ALK: variants seen among roughly 807,000 people sequenced by gnomAD.
The protein encoded by ALK is ALK tyrosine kinase receptor.
ALK carries 74 observed loss-of-function variants against 163.1 expected under a neutral mutation model. The ratio of observed to expected loss-of-function variants is 0.45; its 90% CI spans 0.38 to 0.55. ALK has a LOEUF of 0.55. Among genes scored for constraint, ALK ranks in the 20% least tolerant of loss-of-function variants. The pLI is 0.00. For missense variants in ALK, 2,063 were observed against 2,105.3 expected (o/e 0.98, Z 0.39); for synonymous variants, 960 against 843.2 (o/e 1.14, Z -2.40).
chr2:29,233,544 A>G (rs1413662106), intron 14 of ALK, 21 bp downstream of exon 14: 1 of 1,614,006 alleles, frequency 6.2e-7, no homozygotes, highest in Non-Finnish European at 8.5e-7. Context: ...CCTGGTGGAA[A>G]TCTGGCAGCA....
intron 4 of ALK, among the ~76,000 whole-genome samples, chr2:29,470,792 G>A (rs1194475063): frequency 6.6e-6 from 1 of 151,876 alleles, no homozygotes; most frequent in Non-Finnish European, 1.5e-5. Flanking sequence ...ATAGAAGAAG[G>A]AATAAAGAGC....
chr2:29,501,280 T>C (rs1396360767), intron 4 of ALK, among the ~76,000 whole-genome samples: 1 of 152,246 alleles, frequency 6.6e-6, no homozygotes, highest in Non-Finnish European at 1.5e-5. Flanking sequence ...ATTCCTCATT[T>C]ACTTGGCATT....
intron 3 of ALK, among the ~76,000 whole-genome samples, chr2:29,556,861 G>A (rs896093670): frequency 6.6e-6 from 1 of 152,170 alleles, no homozygotes; most frequent in Non-Finnish European, 1.5e-5. Context: ...TATTCAGTCT[G>A]TGTCATAAGC....
intron 1 of ALK, among the ~76,000 whole-genome samples, chr2:29,810,548 C>G (rs1333134577): frequency 6.6e-6 from 1 of 151,924 alleles, no homozygotes; most frequent in Non-Finnish European, 1.5e-5. Flanking sequence ...ATTGGAGGGC[C>G]TGGGAGAACA....
intron 4 of ALK, among the ~76,000 whole-genome samples, chr2:29,384,964 T>C (rs914950211): frequency 6.6e-6 from 1 of 151,924 alleles, no homozygotes; most frequent in Admixed American, 6.6e-5. Flanking sequence ...GGCAGGAGAA[T>C]CACTTGAACC....
intron 4 of ALK, among the ~76,000 whole-genome samples, chr2:29,485,797 G>A (rs10188777): frequency 0.4 from 60,683 of 151,912 alleles, 12,719 homozygotes; most frequent in Non-Finnish European, 0.45. Flanking sequence ...AGTCTGGTTC[G>A]GGTCTGAGTC....
At chr2:29,645,703 G>A (rs1676852734) in intron 3 of ALK, among the ~76,000 whole-genome samples, 1 of 151,986 alleles carries the variant, frequency 6.6e-6, no homozygotes, top group Non-Finnish European at 1.5e-5. Flanking sequence ...TCCATCCAGT[G>A]GTCAACCCTC....
At chr2:29,693,918 T>C (rs1678477800) in intron 3 of ALK, among the ~76,000 whole-genome samples, 2 of 152,194 alleles carry the variant, frequency 1.3e-5, no homozygotes, top group African/African-American at 4.8e-5. Context: ...GCCCTGCCTC[T>C]CTCATTGAAA....
At chr2:29,208,046 C>T (rs1251402670) in intron 25 of ALK, 1 of 453,674 alleles carries the variant, frequency 2.2e-6, no homozygotes, top group African/African-American at 2.0e-5. Flanking sequence ...ATCAGGTACT[C>T]TGCCATGTGC....
chr2:29,438,829 G>A (rs994519844), intron 4 of ALK, among the ~76,000 whole-genome samples: 16 of 152,202 alleles, frequency 1.1e-4, no homozygotes, highest in African/African-American at 3.6e-4. Flanking sequence ...GAGGGTCAAT[G>A]GAGTAGGTTA....
intron 5 of ALK, among the ~76,000 whole-genome samples, chr2:29,371,622 C>G (rs1558698215): frequency 6.6e-6 from 1 of 152,226 alleles, no homozygotes; most frequent in Non-Finnish European, 1.5e-5. Flanking sequence ...AGGCCAATCA[C>G]AGGAGACTTT....
intron 4 of ALK, among the ~76,000 whole-genome samples, chr2:29,515,416 T>C (rs1053376748): frequency 2.0e-5 from 3 of 152,138 alleles, no homozygotes; most frequent in African/African-American, 7.2e-5. Context: ...TCTAGCTAAT[T>C]TCCCTGCACA....
chr2:29,468,053 T>TA (rs1332861259), intron 4 of ALK, among the ~76,000 whole-genome samples: 1 of 150,548 alleles, frequency 6.6e-6, no homozygotes, highest in Non-Finnish European at 1.5e-5. Flanking sequence ...TTTTTTGAGA[T>TA]AGAGTCTTGC....
intron 8 of ALK, among the ~76,000 whole-genome samples, chr2:29,307,780 T>C (rs1666565360): frequency 6.6e-6 from 1 of 152,196 alleles, no homozygotes; most frequent in Admixed American, 6.5e-5. Context: ...AGATTTTTGA[T>C]AACAAGGAAA....
intron 5 of ALK, among the ~76,000 whole-genome samples, chr2:29,346,825 GGGA>G (rs1388035591): frequency 1.3e-5 from 2 of 152,140 alleles, no homozygotes; most frequent in East Asian, 1.9e-4. Context: ...TCTCTGAACT[GGGA>G]GGAGGAGAAG....
intron 4 of ALK, among the ~76,000 whole-genome samples, chr2:29,506,696 A>C (rs1041602500): frequency 1.3e-5 from 2 of 151,584 alleles, no homozygotes; most frequent in Non-Finnish European, 2.9e-5. Context: ...CGGTGAGCCG[A>C]GATTGTGCCA....
At chr2:29,824,466 A>C (rs937533448) in intron 1 of ALK, among the ~76,000 whole-genome samples, 1 of 152,212 alleles carries the variant, frequency 6.6e-6, no homozygotes, top group African/African-American at 2.4e-5. Flanking sequence ...CCAGCTAGTG[A>C]AGGCAGCTGG....
rs558401840 is a variant in ALK, at chr2:29,347,667, C to T, written c.1283-19186G>A. Among the ~76,000 whole-genome samples, 4 of 152,238 alleles carry T rather than the reference C, an allele frequency of 2.6e-5. No homozygotes were observed. In the South Asian group the frequency reaches 8.3e-4, roughly 32 times the overall value. On this transcript the variant is annotated intron_variant, in intron 5 of 28. Transcript: ENST00000389048. The stretch of plus-strand genomic sequence containing the variant: ...TCCTAAGATGCAGGGAATACTTGGG[C>T]AGTAAAATGAAATGATAGAGATGTA...
chr2:29,594,894 TG>T (rs1170679687), intron 3 of ALK, among the ~76,000 whole-genome samples: 10 of 20,648 alleles, frequency 4.8e-4, no homozygotes, highest in East Asian at 1.4e-3. Flanking sequence ...TAAACAAAAA[TG>T]GGGGGTGGGG....
Sources: allele counts gnomAD v4.1 joint callset (sites outside exome capture counted in the v4.1 genomes callset), GRCh38; gene constraint gnomAD v4.1.1; transcripts MANE v1.5; gene names NCBI Gene and HGNC (gene_info 2026-07-23, HGNC 2026-07-21).